The following MRGPRX3 variants were observed in gnomAD, a reference collection of about 807,000 sequenced individuals.
MRGPRX3 encodes the protein MAS related GPR family member X3.
In MRGPRX3, 14 loss-of-function variants were observed where a neutral mutation model predicts 16.5. The ratio of observed to expected loss-of-function variants is 0.85; its 90% CI spans 0.56 to 1.33. The LOEUF (loss-of-function observed/expected upper bound fraction) is 1.33, where lower values mean the gene tolerates loss of function less well. Ranked by LOEUF, MRGPRX3 falls within the 40% of genes most tolerant of loss-of-function variation. The pLI is 0.00. For synonymous variants in MRGPRX3, 199 were observed against 180.1 expected, an observed-to-expected ratio of 1.10 and a Z score of -0.84; for missense variants, 449 against 413.0, an observed-to-expected ratio of 1.09 and a Z score of -0.76.
chr11:18,127,105 C>T (rs11523911), intron 1 of MRGPRX3, among the ~76,000 whole-genome samples: 19 of 152,138 alleles, frequency 1.2e-4, no homozygotes, highest in Admixed American at 2.6e-4. Context: ...GGCCCCCACT[C>T]TCTTCTGGCT....
At chr11:18,135,103 C>A (rs1848996488) in intron 1 of MRGPRX3, among the ~76,000 whole-genome samples, 1 of 152,124 alleles carries the variant, frequency 6.6e-6, no homozygotes, top group African/African-American at 2.4e-5. Context: ...TGGTATTGGA[C>A]CTGCTCTTCA....
upstream of MRGPRX3, among the ~76,000 whole-genome samples, chr11:18,129,075 C>T (rs1848933799): frequency 6.6e-6 from 1 of 152,176 alleles, no homozygotes; most frequent in Admixed American, 6.5e-5. Flanking sequence ...GTATTAAATG[C>T]ATACATCAAA....
intron 1 of MRGPRX3, among the ~76,000 whole-genome samples, chr11:18,121,685 G>T (rs886094444): frequency 6.6e-6 from 1 of 152,058 alleles, no homozygotes; most frequent in Non-Finnish European, 1.5e-5. Context: ...GGATCCTGTT[G>T]ATCTGTGACC....
Position 18,125,705 on chromosome 11 carries a change from C to T in MRGPRX3, c.-152+4541C>T, listed in dbSNP as rs565122853. Among the ~76,000 whole-genome samples, 588 of 152,164 alleles carry T rather than the reference C, an allele frequency of 3.9e-3. 2 individuals carry two copies. Among genetic ancestry groups the T allele is most frequent in the African/African-American group, 0.013 (519 of 41,512 alleles). ...GAGTTCTGTAGATGTCTATTAGGTC[C>T]GCTTGGTTCAGAGCTGAGTTCAAGT... On this transcript the variant is annotated intron_variant, in intron 1 of 2. Transcript: ENST00000396275.
intron 1 of MRGPRX3, among the ~76,000 whole-genome samples, chr11:18,125,451 G>T (rs1848884376): frequency 6.6e-6 from 1 of 152,188 alleles, no homozygotes; most frequent in Non-Finnish European, 1.5e-5. Flanking sequence ...TATGTACCCA[G>T]TAGTCATTCA....
chr11:18,134,593 A>AATACACAAAAATGACACTCTTCGAG (rs1848991844), intron 1 of MRGPRX3, among the ~76,000 whole-genome samples: 1 of 152,182 alleles, frequency 6.6e-6, no homozygotes, highest in Non-Finnish European at 1.5e-5. Flanking sequence ...ATCCCCTGTA[A>AATACACAAAAATGACACTCTTCGAG]ATACACAAAA....
At position 18,137,500 on chromosome 11, in the gene MRGPRX3, C is replaced by T. The variant is rs1402044570; in HGVS notation, c.298C>T (p.Pro100Ser). ...IRHPISKILS[P>S]VMTFPYFIGL... is the part of the protein sequence containing the mutation. ...CCATCCCATCTCCAAAATCCTCAGT[C>T]CTGTGATGACCTTTCCCTACTTTAT... Residue 100 changes from proline to serine, a missense_variant, in exon 2 of 2, where the codon CCT becomes TCT. Transcript: ENST00000621697. 3.1e-6 allele frequency: 5 copies of T among 1,614,002 alleles called. No homozygotes were observed. In the South Asian group the frequency reaches 3.3e-5, roughly 11 times the overall value.
rs761054493 is a variant in MRGPRX3, at chr11:18,137,551, A to G, written c.349A>G (p.Ser117Gly). Reference sequence around the variant, plus strand: ...AGGCCTAAGCATGCTGAGCGCCATCAGCACCGAGCGCTGCCTGTCCATCCT... The same window carrying G: ...AGGCCTAAGCATGCTGAGCGCCATCGGCACCGAGCGCTGCCTGTCCATCCT... ...FIGLSMLSAI[S>G]TERCLSILWP... The change falls in exon 2 of 2, where the codon AGC (serine) becomes GGC (glycine). Residue 117 changes from serine to glycine, a missense_variant. Physicochemically the swap from Ser to Gly is moderately conservative, Grantham distance 56. Transcript: ENST00000621697. 12 of 1,614,008 alleles carry G rather than the reference A, an allele frequency of 7.4e-6. No individual in the cohort carries two copies. Among genetic ancestry groups the G allele is most frequent in the Middle Eastern group, 3.3e-4 (2 of 6,084 alleles).
intron 1 of MRGPRX3, 84 bp from the exon 2 acceptor site, chr11:18,137,094 G>A (rs1026889812): frequency 2.2e-6 from 3 of 1,362,010 alleles, no homozygotes; most frequent in African/African-American, 2.9e-5. Flanking sequence ...CTCTTTAAAT[G>A]AGGACAGTAA....
intron 1 of MRGPRX3, among the ~76,000 whole-genome samples, chr11:18,134,846 A>T (rs1231461868): frequency 6.6e-6 from 1 of 152,154 alleles, no homozygotes; most frequent in Non-Finnish European, 1.5e-5. Flanking sequence ...ACTTAACAGC[A>T]CCTGCTCATG....
At chr11:18,122,858 GACTTTTT>G (rs1364469196) in intron 1 of MRGPRX3, among the ~76,000 whole-genome samples, 1 of 152,150 alleles carries the variant, frequency 6.6e-6, no homozygotes, top group African/African-American at 2.4e-5. Context: ...GTTGTTTCCT[GACTTTTT>G]AATGATTGCC....
chr11:18,128,044 CCT>C (rs1379379330), upstream of MRGPRX3, among the ~76,000 whole-genome samples: 1 of 152,174 alleles, frequency 6.6e-6, no homozygotes, highest in African/African-American at 2.4e-5. Flanking sequence ...CACTCCAGAC[CCT>C]GTTTGCCTGA....
chr11:18,127,411 T>G (rs951712427), intron 1 of MRGPRX3, among the ~76,000 whole-genome samples: 4 of 152,258 alleles, frequency 2.6e-5, no homozygotes, highest in East Asian at 1.9e-4. Context: ...GATACACCAA[T>G]CAGACGTAGA....
rs1564882021 is a variant in MRGPRX3, at chr11:18,137,350, T to C, written c.148T>C (p.Trp50Arg). 3.1e-6 allele frequency: 5 copies of C among 1,614,232 alleles called. No homozygotes were observed. Among genetic ancestry groups the C allele is most frequent in the Non-Finnish European group, 3.4e-6 (4 of 1,180,036 alleles). ...VALTGNAVVL[W>R]LLGCRMRRNA... is the part of the protein sequence containing the mutation. ...GCTGACAGGAAACGCGGTTGTGCTC[T>C]GGCTCCTGGGCTGCCGCATGCGCAG... Residue 50 changes from tryptophan (W) to arginine (R), a missense_variant, in exon 2 of 2, where the codon TGG (tryptophan) becomes CGG (arginine). Coordinates refer to ENST00000621697, the MANE Select transcript of MRGPRX3 (RefSeq NM_001370464.1).
chr11:18,127,416 C>G (rs1162741015), intron 1 of MRGPRX3, among the ~76,000 whole-genome samples: 1 of 152,208 alleles, frequency 6.6e-6, no homozygotes, highest in Non-Finnish European at 1.5e-5. Context: ...ACCAATCAGA[C>G]GTAGATTTGG....
At chr11:18,133,941 C>T (rs1200741066) in intron 1 of MRGPRX3, among the ~76,000 whole-genome samples, 2 of 152,116 alleles carry the variant, frequency 1.3e-5, no homozygotes, top group Non-Finnish European at 2.9e-5. Flanking sequence ...ACATAGAAGC[C>T]ACTCTCTTGG....
At chr11:18,134,898 TG>T (rs1294166868) in intron 1 of MRGPRX3, among the ~76,000 whole-genome samples, 1 of 152,210 alleles carries the variant, frequency 6.6e-6, no homozygotes, top group Non-Finnish European at 1.5e-5. Flanking sequence ...TGTGGGTCCT[TG>T]TGCTGCTTGT....
chr11:18,121,969 CTG>C (rs1466326685), intron 1 of MRGPRX3, among the ~76,000 whole-genome samples: 1 of 147,760 alleles, frequency 6.8e-6, no homozygotes, highest in East Asian at 2.0e-4. Context: ...AAATCCCTCT[CTG>C]TGAGAAACAC....
chr11:18,126,366 A>AGT (rs1848895821), intron 1 of MRGPRX3, among the ~76,000 whole-genome samples: 1 of 151,564 alleles, frequency 6.6e-6, no homozygotes, highest in Non-Finnish European at 1.5e-5. Flanking sequence ...TTCCTTCAGG[A>AGT]GCTCTTTTAG....
Sources: gnomAD v4.1 joint callset for allele counts (sites outside exome capture counted in the v4.1 genomes callset) on GRCh38, gnomAD v4.1.1 for gene constraint, MANE v1.5 for transcripts, NCBI Gene and HGNC (gene_info 2026-07-23, HGNC 2026-07-21) for gene names.